SGK3: variants seen among roughly 807,000 people sequenced by gnomAD.
SGK3 encodes serine/threonine-protein kinase Sgk3.
A neutral mutation model predicts 68.5 loss-of-function variants in SGK3; 47 were observed. The observed-to-expected ratio is 0.69, with a 90% CI of 0.54 to 0.87. The LOEUF is 0.87. Among genes scored for constraint, SGK3 ranks in the 40% least tolerant of loss-of-function variants. SGK3 has a pLI of 0.00. For synonymous variants in SGK3, 181 were observed against 189.1 expected (o/e 0.96, Z 0.35); for missense variants, 479 against 575.5 (o/e 0.83, Z 1.72).
intron 2 of SGK3, among the ~76,000 whole-genome samples, chr8:66,795,701 TGAG>T (rs1807651439): frequency 6.6e-6 from 1 of 152,220 alleles, no homozygotes; most frequent in Non-Finnish European, 1.5e-5. Context: ...GGCTGTGCAC[TGAG>T]TTCTCAAAGG....
At chr8:66,769,667 A>G (rs2130485476) in intron 1 of SGK3, among the ~76,000 whole-genome samples, 1 of 152,240 alleles carries the variant, frequency 6.6e-6, no homozygotes, top group East Asian at 1.9e-4. Context: ...CATCTCTAAA[A>G]GTTGGATTTA....
chr8:66,767,983 T>C, intron 1 of SGK3: 1 of 810,408 alleles, frequency 1.2e-6, no homozygotes, highest in South Asian at 1.3e-5. Flanking sequence ...GTTTTCCTTA[T>C]CAACATAGAT....
At chr8:66,801,092 A>G (rs59636257) in intron 3 of SGK3, among the ~76,000 whole-genome samples, 6,722 of 152,322 alleles carry the variant, frequency 0.044, 511 homozygotes, top group African/African-American at 0.15. Context: ...TACTAAATAC[A>G]GGTTGAGTAT....
intron 6 of SGK3, among the ~76,000 whole-genome samples, chr8:66,824,880 G>A (rs1808989549): frequency 6.6e-6 from 1 of 152,156 alleles, no homozygotes; most frequent in Non-Finnish European, 1.5e-5. Flanking sequence ...TGAAAGTAGT[G>A]TAAATATTTG....
Position 66,715,642 on chromosome 8 carries a change from CTA to C in SGK3, c.-122+2811_-122+2812del, listed in dbSNP as rs374511968. Among the ~76,000 whole-genome samples, 469 of 152,268 alleles carry C rather than the reference CTA, an allele frequency of 3.1e-3. 2 individuals carry two copies. Among genetic ancestry groups the C allele is most frequent in the African/African-American group, 0.01 (416 of 41,542 alleles). On this transcript the variant is annotated intron_variant, in intron 1 of 16. Transcript: ENST00000521198. ...TATTGTAAATATTTTTGAAATAAAA[CTA>C]TGTGTTTTATTGAAATGTTGCAATG...
chr8:66,816,337 CTTTT>C (rs1177867449), intron 5 of SGK3, among the ~76,000 whole-genome samples: 1 of 114,112 alleles, frequency 8.8e-6, no homozygotes. Context: ...GTGACATTTC[CTTTT>C]TTTTTTTTTT....
chr8:66,764,550 A>G (rs1314896441), intron 1 of SGK3, among the ~76,000 whole-genome samples: 2 of 152,070 alleles, frequency 1.3e-5, no homozygotes, highest in African/African-American at 4.8e-5. Context: ...GACTCACTAC[A>G]GCCTCAACCT....
intron 5 of SGK3, among the ~76,000 whole-genome samples, chr8:66,821,178 C>A (rs1287421303): frequency 6.6e-6 from 1 of 152,020 alleles, no homozygotes; most frequent in Non-Finnish European, 1.5e-5. Flanking sequence ...TAATTTTAGT[C>A]CGTTTTTTTC....
intron 8 of SGK3, 61 bp downstream of exon 8, chr8:66,831,372 G>T: frequency 1.3e-6 from 2 of 1,585,558 alleles, no homozygotes; most frequent in Non-Finnish European, 1.7e-6. Context: ...TTGGAGACAG[G>T]GTCTCACTCT....
intron 4 of SGK3, among the ~76,000 whole-genome samples, chr8:66,812,328 G>A (rs1191304356): frequency 6.6e-6 from 1 of 152,118 alleles, no homozygotes. Flanking sequence ...GGAGGCCGAG[G>A]CAGGCAGATC....
At chr8:66,727,282 A>G (rs1805013320) in intron 1 of SGK3, among the ~76,000 whole-genome samples, 1 of 151,892 alleles carries the variant, frequency 6.6e-6, no homozygotes. Flanking sequence ...TTTTTTGTAG[A>G]CACAGGGTTT....
chr8:66,750,657 C>G (rs1218333963), intron 1 of SGK3, among the ~76,000 whole-genome samples: 2 of 151,336 alleles, frequency 1.3e-5, no homozygotes, highest in Non-Finnish European at 2.9e-5. Context: ...CCACTGCACT[C>G]CAGCCTGGGC....
At chr8:66,857,793 GTGTGTA>G (rs199580898) in intron 16 of SGK3, among the ~76,000 whole-genome samples, 2,856 of 118,706 alleles carry the variant, frequency 0.024, 50 homozygotes, top group Admixed American at 0.053. Flanking sequence ...AAAAAAGTGT[GTGTGTA>G]TGTGTGTGTG....
chr8:66,791,226 C>T (rs1283197221), intron 1 of SGK3, among the ~76,000 whole-genome samples: 1 of 152,188 alleles, frequency 6.6e-6, no homozygotes. Flanking sequence ...TAGCGCCTTG[C>T]TCCTCTTACC....
intron 1 of SGK3, among the ~76,000 whole-genome samples, chr8:66,756,911 A>C (rs896992489): frequency 5.3e-5 from 8 of 151,802 alleles, no homozygotes; most frequent in African/African-American, 1.9e-4. Flanking sequence ...ATTTTTAAAA[A>C]GATAATAATC....
In SGK3 at chr8:66,822,281, A is replaced by G; in HGVS notation, c.330-91A>G. The G allele has an allele frequency of 3.4e-6, 4 of 1,161,020 alleles. No homozygotes were observed. In the Admixed American group the frequency reaches 9.5e-5, roughly 28 times the overall value. The allele number at this position is 1,161,020 out of a possible 1,614,324, so 71.9% of individuals were successfully genotyped here. Reference sequence around the variant, plus strand: ...TTACTTTCTTACTGTAAATACTAATATAGTTATTTCTATTTTGATTTTCAT... The same window carrying G: ...TTACTTTCTTACTGTAAATACTAATGTAGTTATTTCTATTTTGATTTTCAT... On this transcript the variant is annotated intron_variant, in intron 5 of 16. Transcript: ENST00000521198.
intron 16 of SGK3, among the ~76,000 whole-genome samples, chr8:66,852,244 GT>G (rs1387401529): frequency 7.4e-6 from 1 of 134,604 alleles, no homozygotes; most frequent in Non-Finnish European, 1.6e-5. Flanking sequence ...CTTTTTTTAA[GT>G]TTTTTGATGT....
In SGK3 at chr8:66,859,420, G is replaced by A; in HGVS notation, c.1330G>A (p.Asp444Asn). 1 of 1,607,926 alleles carries A rather than the reference G, an allele frequency of 6.2e-7. No homozygotes were observed. Among genetic ancestry groups the A allele is most frequent in the Non-Finnish European group, 8.5e-7 (1 of 1,175,874 alleles). ...GCTTTTGATGTTTTAGGCTGGACCA[G>A]ATGATATCAGAAACTTTGACACAGC... is the stretch of plus-strand genomic sequence containing the variant. Reference protein sequence around the residue: ...PPFNPNVAGPDDIRNFDTAFT... With the variant: ...PPFNPNVAGPNDIRNFDTAFT... Residue 444 changes from aspartate (D) to asparagine (N), a missense_variant, in exon 17 of 17, where the codon GAT becomes AAT. Physicochemically the swap from Asp to Asn is conservative, Grantham distance 23 (BLOSUM62 1). Around this residue, in one of 3 missense-constraint regions of SGK3, gnomAD observed 173 missense variants for 214.3 expected, o/e 0.81. Transcript: ENST00000521198.
intron 1 of SGK3, among the ~76,000 whole-genome samples, chr8:66,740,979 C>T (rs1471890515): frequency 6.6e-6 from 1 of 151,296 alleles, no homozygotes; most frequent in African/African-American, 2.4e-5. Flanking sequence ...TTCCATCCTG[C>T]ATACCAGAAG....
Sources: gnomAD v4.1 joint callset for allele counts (sites outside exome capture counted in the v4.1 genomes callset) on GRCh38, gnomAD v4.1.1 for gene constraint, gnomAD v4.1.1 regional missense constraint, MANE v1.5 for transcripts, NCBI Gene and HGNC (gene_info 2026-07-23, HGNC 2026-07-21) for gene names.